The following PLPPR5 variants were observed in gnomAD, a reference collection of about 807,000 sequenced individuals.
The protein encoded by PLPPR5 is phospholipid phosphatase related 5, also known as phospholipid phosphatase-related protein type 5.
A neutral mutation model predicts 33.9 loss-of-function variants in PLPPR5; 16 were observed. The ratio of observed to expected loss-of-function variants is 0.47; its 90% CI spans 0.32 to 0.72. PLPPR5 has a LOEUF of 0.72. Among genes scored for constraint, PLPPR5 ranks in the 30% least tolerant of loss-of-function variants. The probability of loss-of-function intolerance (pLI) is 0.03; values close to 1 mark genes in which losing one functional copy is unlikely to be tolerated. For missense variants in PLPPR5, 301 were observed against 406.7 expected (o/e 0.74, Z 2.23); for synonymous variants, 163 against 150.3 (o/e 1.08, Z -0.62).
intron 1 of PLPPR5, among the ~76,000 whole-genome samples, chr1:98,987,622 TAAATTCATGGAAAAGACTCTG>T (rs1301865649): frequency 1.3e-5 from 2 of 151,782 alleles, no homozygotes; most frequent in Non-Finnish European, 3.0e-5. Context: ...TGCATTCAAA[TAAATTCATGGAAAAGACTCTG>T]ACAAATACTG....
At chr1:98,895,630 A>C (rs1470740303) in intron 5 of PLPPR5, among the ~76,000 whole-genome samples, 1 of 152,054 alleles carries the variant, frequency 6.6e-6, no homozygotes, top group East Asian at 1.9e-4. Context: ...CTACAAGGAC[A>C]ACAGTTGATT....
intron 1 of PLPPR5, among the ~76,000 whole-genome samples, chr1:98,969,732 C>A (rs920798981): frequency 2.0e-5 from 3 of 151,630 alleles, no homozygotes; most frequent in Non-Finnish European, 4.4e-5. Flanking sequence ...TTTTCTCCTT[C>A]CTTCCTTCCT....
intron 1 of PLPPR5, among the ~76,000 whole-genome samples, chr1:98,993,737 C>A (rs911738638): frequency 6.6e-6 from 1 of 151,930 alleles, no homozygotes; most frequent in African/African-American, 2.4e-5. Flanking sequence ...TCTGGAAATA[C>A]AAGATGTTTC....
At chr1:98,998,908 G>A (rs309088) in intron 1 of PLPPR5, among the ~76,000 whole-genome samples, 55,972 of 151,924 alleles carry the variant, frequency 0.37, 10,722 homozygotes, top group African/African-American at 0.47. Flanking sequence ...GTATTAAATG[G>A]AGCAATGGGT....
intron 1 of PLPPR5, among the ~76,000 whole-genome samples, chr1:98,961,223 G>A (rs1651237357): frequency 6.6e-6 from 1 of 152,100 alleles, no homozygotes; most frequent in Non-Finnish European, 1.5e-5. Flanking sequence ...AATCTCACTT[G>A]ATAATTGCTT....
rs1467885918 is a variant in PLPPR5, at chr1:98,907,219, T to C, written c.933+7567A>G. ...ATTGTAATCCTTTTTTTTTTTTTTT[T>C]CTGATGAAGTCTCACTCTGTTGTCC... On this transcript the variant is annotated intron_variant, in intron 5 of 5. Transcript: ENST00000263177. Among the ~76,000 whole-genome samples, 8 of 150,290 alleles carry C rather than the reference T, an allele frequency of 5.3e-5. No homozygotes were observed. The South Asian group carries it at 1.3e-3, about 24-fold the overall frequency.
At chr1:98,922,432 G>C (rs1225897689) in intron 3 of PLPPR5, among the ~76,000 whole-genome samples, 1 of 152,022 alleles carries the variant, frequency 6.6e-6, no homozygotes, top group Non-Finnish European at 1.5e-5. Context: ...TTATTAGCAG[G>C]GGGAAGCTGT....
In PLPPR5 at chr1:98,893,089, A is replaced by T. The variant is rs769178977; in HGVS notation, c.949T>A (p.Phe317Ile). The change falls in exon 6 of 6, where the codon TTC becomes ATC. Residue 317 changes from phenylalanine (F) to isoleucine (I), a missense_variant. By Grantham distance (21) the Phe-to-Ile change is conservative. Coordinates refer to ENST00000263177, the MANE Select transcript of PLPPR5 (RefSeq NM_001037317.2). The part of the protein sequence containing the change: ...VTSVQNHITA[F>I]AEVT ...CTTCGATATCATGTGACTTCTGCGA[A>T]GGCAGTGATGTGGTTCTGCAAAAAG... 2 of 1,611,352 alleles carry T rather than the reference A, an allele frequency of 1.2e-6. No individual in the cohort carries two copies. The highest frequency in any genetic ancestry group is 1.7e-6 in the Non-Finnish European group (2 of 1,178,432).
intron 3 of PLPPR5, among the ~76,000 whole-genome samples, chr1:98,931,455 C>T (rs1649962512): frequency 6.6e-6 from 1 of 152,068 alleles, no homozygotes; most frequent in Non-Finnish European, 1.5e-5. Flanking sequence ...GGACTTAAGG[C>T]TAAAAGGTGA....
chr1:98,945,242 G>C (rs1252188055), intron 3 of PLPPR5, among the ~76,000 whole-genome samples: 1 of 152,104 alleles, frequency 6.6e-6, no homozygotes, highest in African/African-American at 2.4e-5. Context: ...TAAAATTAAA[G>C]AACAATTAAA....
At chr1:98,964,479 A>G (rs1436137058) in intron 1 of PLPPR5, among the ~76,000 whole-genome samples, 1 of 152,166 alleles carries the variant, frequency 6.6e-6, no homozygotes, top group Admixed American at 6.5e-5. Context: ...ATTGCTTGGG[A>G]CATGAAAGAA....
intron 3 of PLPPR5, among the ~76,000 whole-genome samples, chr1:98,928,913 T>C (rs1649864421): frequency 6.6e-6 from 1 of 152,092 alleles, no homozygotes; most frequent in African/African-American, 2.4e-5. Context: ...TAAACTAATA[T>C]ATATATAGCC....
intron 1 of PLPPR5, among the ~76,000 whole-genome samples, chr1:98,966,791 G>A (rs1192932951): frequency 6.6e-6 from 1 of 152,166 alleles, no homozygotes; most frequent in East Asian, 1.9e-4. Context: ...CCCACCCACT[G>A]GGTGGGATGA....
intron 1 of PLPPR5, among the ~76,000 whole-genome samples, chr1:98,993,496 G>A (rs368666051): frequency 1.3e-5 from 2 of 152,084 alleles, no homozygotes; most frequent in Admixed American, 6.6e-5. Context: ...ATATAGTTTT[G>A]ACTAAGTCTC....
intron 3 of PLPPR5, among the ~76,000 whole-genome samples, chr1:98,923,058 C>T (rs1031309397): frequency 4.6e-5 from 7 of 151,388 alleles, no homozygotes; most frequent in African/African-American, 1.2e-4. Flanking sequence ...CAAAACAAAA[C>T]AGTGAATAGG....
intron 1 of PLPPR5, among the ~76,000 whole-genome samples, chr1:98,961,703 G>A (rs1037714595): frequency 6.6e-6 from 1 of 152,078 alleles, no homozygotes; most frequent in Non-Finnish European, 1.5e-5. Flanking sequence ...CTGTCCTTAT[G>A]GCTAATTTAA....
intron 1 of PLPPR5, among the ~76,000 whole-genome samples, chr1:98,968,728 A>C (rs1651541283): frequency 6.6e-6 from 1 of 152,078 alleles, no homozygotes; most frequent in Admixed American, 6.6e-5. Context: ...AAAGTGAAAA[A>C]AAAATTTAAA....
chr1:98,928,104 T>C (rs1367158855), intron 3 of PLPPR5, among the ~76,000 whole-genome samples: 2 of 152,140 alleles, frequency 1.3e-5, no homozygotes, highest in Admixed American at 6.6e-5. Flanking sequence ...TCTGAGGCAC[T>C]GAACCAATGT....
At chr1:98,900,147 T>A (rs1648639241) in intron 5 of PLPPR5, among the ~76,000 whole-genome samples, 1 of 152,150 alleles carries the variant, frequency 6.6e-6, no homozygotes, top group African/African-American at 2.4e-5. Context: ...TCTGTTCCAG[T>A]CTATCATGCT....
Sources: gnomAD v4.1 joint callset for allele counts (sites outside exome capture counted in the v4.1 genomes callset) on GRCh38, gnomAD v4.1.1 for gene constraint, MANE v1.5 for transcripts, NCBI Gene and HGNC (gene_info 2026-07-23, HGNC 2026-07-21) for gene names.